The following CEP152 variants were observed in gnomAD, a reference collection of about 807,000 sequenced individuals.
CEP152 encodes centrosomal protein 152.
A neutral mutation model predicts 188.9 loss-of-function variants in CEP152; 132 were observed. The observed-to-expected ratio is 0.70, with a 90% CI of 0.61 to 0.81. The LOEUF (loss-of-function observed/expected upper bound fraction) is 0.81, where lower values mean the gene tolerates loss of function less well. Among genes scored for constraint, CEP152 ranks in the 30% least tolerant of loss-of-function variants. The probability of loss-of-function intolerance (pLI) is 0.00; values close to 1 mark genes in which losing one functional copy is unlikely to be tolerated. For missense variants in CEP152, 1,914 were observed against 1,969.8 expected (o/e 0.97, Z 0.54); for synonymous variants, 649 against 666.6 (o/e 0.97, Z 0.41).
intron 26 of CEP152, chr15:48,741,287 G>A (rs1892955951): frequency 8.4e-7 from 1 of 1,187,650 alleles, no homozygotes; most frequent in Non-Finnish European, 1.1e-6. Context: ...GAGCCATGAT[G>A]CCTGGCCCAC....
chr15:48,779,492 G>A (rs771358582), intron 12 of CEP152, among the ~76,000 whole-genome samples: 4 of 152,168 alleles, frequency 2.6e-5, no homozygotes, highest in Non-Finnish European at 4.4e-5. Context: ...ACCATCTACT[G>A]TATAACAATA....
chr15:48,784,350 A>G (rs1344125088), intron 9 of CEP152, among the ~76,000 whole-genome samples: 1 of 152,208 alleles, frequency 6.6e-6, no homozygotes, highest in Non-Finnish European at 1.5e-5. Flanking sequence ...AGGTTGAATT[A>G]GGTGCCTTCT....
intron 17 of CEP152, among the ~76,000 whole-genome samples, chr15:48,766,374 G>A (rs1340636485): frequency 6.6e-6 from 1 of 152,208 alleles, no homozygotes; most frequent in Admixed American, 6.5e-5. Context: ...GTGAAGGACA[G>A]TCAGGCCTGT....
At chr15:48,794,949 G>A (rs765943749) in intron 6 of CEP152, among the ~76,000 whole-genome samples, 1 of 152,192 alleles carries the variant, frequency 6.6e-6, no homozygotes, top group Non-Finnish European at 1.5e-5. Context: ...ACAATATGAA[G>A]TCACAACCCA....
intron 15 of CEP152, among the ~76,000 whole-genome samples, chr15:48,767,748 T>C (rs1895230524): frequency 6.6e-6 from 1 of 152,210 alleles, no homozygotes; most frequent in Admixed American, 6.5e-5. Context: ...TGAGGACTTC[T>C]GTTTATAAAA....
At chr15:48,735,393 T>C (rs1161762050), downstream of CEP152, among the ~76,000 whole-genome samples, 1 of 152,186 alleles carries the variant, frequency 6.6e-6, no homozygotes, top group African/African-American at 2.4e-5. Flanking sequence ...TATACATCTA[T>C]ATCAATAGAG....
intron 17 of CEP152, among the ~76,000 whole-genome samples, chr15:48,763,449 G>A (rs926394420): frequency 5.3e-5 from 8 of 152,116 alleles, no homozygotes; most frequent in African/African-American, 1.7e-4. Flanking sequence ...TGAGGCAGGC[G>A]GATCACCTGA....
chr15:48,742,999 A>G (rs943714009), intron 24 of CEP152, among the ~76,000 whole-genome samples: 3 of 152,224 alleles, frequency 2.0e-5, no homozygotes, highest in Non-Finnish European at 2.9e-5. Flanking sequence ...AATGAAATGC[A>G]GTACATGTCA....
chr15:48,734,013 T>C (rs1398058143), downstream of CEP152, among the ~76,000 whole-genome samples: 1 of 151,964 alleles, frequency 6.6e-6, no homozygotes. Flanking sequence ...GGAAGTAGAA[T>C]ATAGATGAAA....
At position 48,765,636 on chromosome 15, in the gene CEP152, A is replaced by ATTTTTTTTTTT. The variant is rs34837739; in HGVS notation, c.2280+1413_2280+1423dup. ...GAAAATTCCTCTTATGTTCTTGCCA[A>ATTTTTTTTTTT]TTTTTTTTTTTTTTTTTTTTTTTTT... On this transcript the variant is annotated intron_variant, in intron 17 of 26. Transcript: ENST00000380950. 90 of 189,470 alleles carry ATTTTTTTTTTT rather than the reference A, an allele frequency of 4.8e-4. 1 individual carries two copies. Among genetic ancestry groups the ATTTTTTTTTTT allele is most frequent in the Admixed American group, 1.0e-3 (9 of 8,846 alleles). 11.7% of individuals were successfully genotyped at this position (189,470 alleles called of 1,614,324 possible).
intron 6 of CEP152, among the ~76,000 whole-genome samples, chr15:48,794,916 C>T (rs983679516): frequency 6.6e-6 from 1 of 152,168 alleles, no homozygotes; most frequent in Non-Finnish European, 1.5e-5. Context: ...ACTACCCTGC[C>T]GTCCCAGTGT....
intron 24 of CEP152, 60 bp downstream of exon 24, chr15:48,744,180 T>G: frequency 6.3e-7 from 1 of 1,597,036 alleles, no homozygotes; most frequent in Non-Finnish European, 8.5e-7. Flanking sequence ...CTGAGTTTAC[T>G]TTAACAGTGA....
At chr15:48,741,065 T>C in intron 26 of CEP152, 1 of 991,176 alleles carries the variant, frequency 1.0e-6, no homozygotes, top group Non-Finnish European at 1.2e-6. Flanking sequence ...GGTTTCCATC[T>C]TCCATCCTAT....
At chr15:48,747,636 C>G (rs1028607449) in intron 22 of CEP152, among the ~76,000 whole-genome samples, 15 of 152,088 alleles carry the variant, frequency 9.9e-5, no homozygotes, top group African/African-American at 3.4e-4. Context: ...GGGAAAAGTA[C>G]AGGACAGAAT....
rs1287896652 is a variant in CEP152 at position 48,744,972 on chromosome 15, C to T, written c.3655G>A (p.Glu1219Lys). 2.5e-6 allele frequency: 4 copies of T among 1,606,170 alleles called. No individual in the cohort carries two copies. The East Asian group carries it at 6.7e-5, about 27-fold the overall frequency. The change falls in exon 23 of 27, where the codon GAA becomes AAA. Residue 1219 changes from glutamate (E) to lysine (K), a missense_variant. Transcript: ENST00000380950. Reference protein sequence around the residue: ...KIGEENNKVVEELIEENNDMK... With the variant: ...KIGEENNKVVKELIEENNDMK... ...TCGTTGTTTTCTTCTATTAATTCTT[C>T]AACAACTTTATTATTCTCTTCTATA...
rs80150517 is a variant in CEP152 at position 48,745,266 on chromosome 15, A to G, written c.3635-274T>C. ...TCAGATGCCTGTGTTTTGTTTTCCA[A>G]CTGTGCTGAAGCTCTGTAGAAACCT... On this transcript the variant is annotated intron_variant, in intron 22 of 26. Coordinates refer to ENST00000380950, the MANE Select transcript of CEP152 (RefSeq NM_001194998.2). 1.8e-3 allele frequency among the ~76,000 whole-genome samples: 269 copies of G among 152,022 alleles called. 1 individual carries two copies. The highest frequency in any genetic ancestry group is 0.012 in the East Asian group (60 of 5,128).
chr15:48,750,256 C>T (rs898373097), intron 21 of CEP152, among the ~76,000 whole-genome samples: 1 of 152,024 alleles, frequency 6.6e-6, no homozygotes, highest in Admixed American at 6.6e-5. Flanking sequence ...CAGTAGCTGG[C>T]ACAGAGCAAG....
intron 19 of CEP152, among the ~76,000 whole-genome samples, chr15:48,758,578 G>A (rs947129713): frequency 6.6e-6 from 1 of 151,936 alleles, no homozygotes; most frequent in African/African-American, 2.4e-5. Flanking sequence ...AATTAGCCAG[G>A]CGAGGTAGCG....
chr15:48,790,575 T>A (rs980072786), intron 8 of CEP152, among the ~76,000 whole-genome samples: 1 of 152,176 alleles, frequency 6.6e-6, no homozygotes, highest in Non-Finnish European at 1.5e-5. Context: ...ACTTTCATTT[T>A]TTTTTTCTTC....
Sources: allele counts gnomAD v4.1 joint callset (sites outside exome capture counted in the v4.1 genomes callset), GRCh38; gene constraint gnomAD v4.1.1; transcripts MANE v1.5; gene names NCBI Gene and HGNC (gene_info 2026-07-23, HGNC 2026-07-21).